CADM3: variants seen among roughly 807,000 people sequenced by gnomAD.
The protein encoded by CADM3 is TSLC1-like 1.
Under a neutral mutation model 44.9 loss-of-function variants are expected in CADM3, and 11 were observed. The observed-to-expected ratio is 0.25, with a 90% CI of 0.15 to 0.41. The LOEUF (loss-of-function observed/expected upper bound fraction) is 0.41, where lower values mean the gene tolerates loss of function less well. Ranked by LOEUF, CADM3 falls within the 10% of genes least tolerant of loss-of-function variation. The pLI, the probability that CADM3 is intolerant of heterozygous loss-of-function variation, is 1.00. For missense variants in CADM3, 426 were observed against 512.0 expected, an observed-to-expected ratio of 0.83 and a Z score of 1.62; for synonymous variants, 207 against 205.2, an observed-to-expected ratio of 1.01 and a Z score of -0.08.
intron 1 of CADM3, among the ~76,000 whole-genome samples, chr1:159,177,466 T>C (rs1032504189): frequency 6.6e-6 from 1 of 152,188 alleles, no homozygotes; most frequent in African/African-American, 2.4e-5. Flanking sequence ...TCCATGGTGC[T>C]AGCCCCTGAC....
intron 1 of CADM3, among the ~76,000 whole-genome samples, chr1:159,184,899 A>G (rs1363624764): frequency 6.6e-6 from 1 of 152,240 alleles, no homozygotes; most frequent in African/African-American, 2.4e-5. Context: ...CACTCTTAAT[A>G]TGAACAATCA....
At chr1:159,171,884 G>T in intron 1 of CADM3, 31 bp downstream of exon 1, 1 of 1,214,632 alleles carries the variant, frequency 8.2e-7, no homozygotes, top group Non-Finnish European at 1.0e-6. Context: ...CGCCTGGGGA[G>T]GTGGGGAGTG....
chr1:159,172,388 C>A (rs1648850018), intron 1 of CADM3, among the ~76,000 whole-genome samples: 2 of 152,146 alleles, frequency 1.3e-5, no homozygotes, highest in Middle Eastern at 3.2e-3. Flanking sequence ...ACCCGCGGCG[C>A]AGCTCCGAGT....
At chr1:159,192,839 G>A in intron 3 of CADM3, 109 bp downstream of exon 3, 1 of 1,142,456 alleles carries the variant, frequency 8.8e-7, no homozygotes, top group Non-Finnish European at 1.2e-6. Context: ...AAGCACTTTA[G>A]GAAAGTTCAG....
chr1:159,190,591 A>G (rs1336633841), intron 1 of CADM3, among the ~76,000 whole-genome samples: 8 of 152,184 alleles, frequency 5.3e-5, no homozygotes, highest in African/African-American at 1.7e-4. Context: ...TTGTGCTCCA[A>G]TTTGGGAACA....
chr1:159,197,098 T>A (rs1649936571), intron 7 of CADM3, 38 bp downstream of exon 7: 1 of 1,593,452 alleles, frequency 6.3e-7, no homozygotes. Context: ...AGAATCTCCT[T>A]TCTCTGTCCA....
intron 1 of CADM3, chr1:159,189,810 C>T (rs1200252441): frequency 2.5e-6 from 4 of 1,607,742 alleles, no homozygotes; most frequent in Non-Finnish European, 3.4e-6. Flanking sequence ...GGAACTCTGG[C>T]TCCACTCGAC....
intron 1 of CADM3, among the ~76,000 whole-genome samples, chr1:159,186,271 G>C (rs1399811620): frequency 6.6e-6 from 1 of 152,146 alleles, no homozygotes; most frequent in East Asian, 1.9e-4. Context: ...GACCTTGAAG[G>C]CTAGGCTGAC....
At chr1:159,197,595 C>T (rs1649959987) in intron 7 of CADM3, 1 of 152,128 alleles carries the variant, frequency 6.6e-6, no homozygotes, top group Non-Finnish European at 1.5e-5. Context: ...TCTAGAAGGA[C>T]CAGGTGATGC....
intron 5 of CADM3, chr1:159,194,366 C>G (rs1376657380): frequency 4.8e-6 from 1 of 209,344 alleles, no homozygotes; most frequent in Non-Finnish European, 9.7e-6. Context: ...ATGCAGGTGG[C>G]AGGATTTGGT....
chr1:159,186,188 A>G (rs1054360635), intron 1 of CADM3, among the ~76,000 whole-genome samples: 6 of 152,250 alleles, frequency 3.9e-5, no homozygotes, highest in Admixed American at 2.6e-4. Flanking sequence ...AAGGCTTCAC[A>G]TGCCTGGAAT....
At chr1:159,193,399 C>G (rs375806653) in intron 3 of CADM3, 24 bp from the exon 4 acceptor site, 1 of 1,571,470 alleles carries the variant, frequency 6.4e-7, no homozygotes, top group Non-Finnish European at 8.6e-7. Flanking sequence ...CCTTCCTATC[C>G]TGGCCATCCC....
rs1192450077 is a variant in CADM3 at position 159,171,782 on chromosome 1, C to A, written c.17C>A (p.Ala6Asp). ...GGAAGCGCGATGGGGGCCCCAGCCG[C>A]CTCGCTCCTGCTCCTGCTCCTGCTG... is the stretch of plus-strand genomic sequence containing the variant. MGAPAASLLLLLLLFA... is the reference protein window; with the variant it reads MGAPADSLLLLLLLFA... Residue 6 changes from alanine to aspartate, a missense_variant, in exon 1 of 9, where the codon GCC (alanine) becomes GAC (aspartate). Physicochemically the swap from Ala to Asp is moderately radical, Grantham distance 126. This residue lies in a region of CADM3 where 64 missense variants were observed against 37.4 expected (regional missense o/e 1.71). Transcript: ENST00000368125. The A allele has an allele frequency of 1.4e-5, 17 of 1,240,754 alleles. No homozygotes were observed. The highest frequency in any genetic ancestry group is 1.7e-5 in the Non-Finnish European group (17 of 991,746). The allele number at this position is 1,240,754 out of a possible 1,614,324, so 76.9% of individuals were successfully genotyped here. A position where few individuals can be genotyped will look rare whatever the true frequency, so the allele number is the denominator to read the frequency against.
intron 1 of CADM3, among the ~76,000 whole-genome samples, chr1:159,176,031 AC>A (rs2102091171): frequency 6.6e-6 from 1 of 152,194 alleles, no homozygotes; most frequent in African/African-American, 2.4e-5. Flanking sequence ...GAGAAAGAAA[AC>A]CCCTGGGGCT....
At chr1:159,176,032 C>T (rs541260469) in intron 1 of CADM3, among the ~76,000 whole-genome samples, 38 of 152,224 alleles carry the variant, frequency 2.5e-4, no homozygotes, top group Admixed American at 1.6e-3. Context: ...AGAAAGAAAA[C>T]CCCTGGGGCT....
intron 1 of CADM3, among the ~76,000 whole-genome samples, chr1:159,177,446 C>T (rs766268543): frequency 6.6e-6 from 1 of 152,172 alleles, no homozygotes; most frequent in African/African-American, 2.4e-5. Flanking sequence ...TATACCTGTG[C>T]TTTGAGCTCT....
intron 6 of CADM3, 63 bp downstream of exon 6, chr1:159,196,517 A>C: frequency 7.6e-7 from 1 of 1,308,664 alleles, no homozygotes; most frequent in Non-Finnish European, 1.1e-6. Flanking sequence ...CCTTCTTCAC[A>C]TAACAGCTCC....
intron 8 of CADM3, among the ~76,000 whole-genome samples, chr1:159,200,477 C>T (rs532588176): frequency 3.9e-5 from 6 of 151,978 alleles, no homozygotes; most frequent in East Asian, 3.9e-4. Context: ...CACCAAGTTG[C>T]GTGCACACGC....
chr1:159,177,756 T>C (rs1271078125), intron 1 of CADM3, among the ~76,000 whole-genome samples: 3 of 152,226 alleles, frequency 2.0e-5, no homozygotes, highest in African/African-American at 7.2e-5. Context: ...AAAGAAGTGC[T>C]AGAAGGTTTT....
Sources: gnomAD v4.1 joint callset for allele counts (sites outside exome capture counted in the v4.1 genomes callset) on GRCh38, gnomAD v4.1.1 for gene constraint, gnomAD v4.1.1 regional missense constraint, MANE v1.5 for transcripts, NCBI Gene and HGNC (gene_info 2026-07-23, HGNC 2026-07-21) for gene names.